CSMD1: variants seen among roughly 807,000 people sequenced by gnomAD.
CSMD1 encodes the protein CUB and sushi domain-containing protein 1.
In CSMD1, 213 loss-of-function variants were observed where a neutral mutation model predicts 417.5. The ratio of observed to expected loss-of-function variants is 0.51; its 90% CI spans 0.46 to 0.57. CSMD1 has a LOEUF of 0.57. Among genes scored for constraint, CSMD1 ranks in the 20% least tolerant of loss-of-function variants. CSMD1 has a pLI of 0.00. For missense variants in CSMD1, 6,923 were observed against 4,529.7 expected, an observed-to-expected ratio of 1.53 and a Z score of -15.17; for synonymous variants, 2,862 against 1,736.8, an observed-to-expected ratio of 1.65 and a Z score of -16.11.
At chr8:3,742,316 C>G (rs944559027) in intron 6 of CSMD1, among the ~76,000 whole-genome samples, 1 of 152,074 alleles carries the variant, frequency 6.6e-6, no homozygotes, top group Non-Finnish European at 1.5e-5. Flanking sequence ...ATCTGGTATC[C>G]AGGGAGACAG....
At chr8:3,960,438 G>C (rs548756839) in intron 5 of CSMD1, among the ~76,000 whole-genome samples, 3 of 152,244 alleles carry the variant, frequency 2.0e-5, no homozygotes, top group Non-Finnish European at 4.4e-5. Context: ...ATGCTAGTGA[G>C]AAATACAATT....
chr8:3,192,815 C>A (rs961010188), intron 33 of CSMD1, among the ~76,000 whole-genome samples: 3 of 151,932 alleles, frequency 2.0e-5, no homozygotes, highest in African/African-American at 7.3e-5. Context: ...AGATTTGGAG[C>A]ATTTTGAATT....
chr8:4,180,677 G>A (rs1366762857), intron 3 of CSMD1, among the ~76,000 whole-genome samples: 1 of 152,126 alleles, frequency 6.6e-6, no homozygotes, highest in African/African-American at 2.4e-5. Flanking sequence ...CTGGCCATAT[G>A]AAAGGCAAGG....
intron 22 of CSMD1, among the ~76,000 whole-genome samples, chr8:3,344,719 G>T (rs1563292997): frequency 6.6e-6 from 1 of 152,108 alleles, no homozygotes; most frequent in East Asian, 1.9e-4. Context: ...TCTTTATACA[G>T]ATTAATTTTT....
rs549816798 is a variant in CSMD1 at position 3,832,110 on chromosome 8, G to C, written c.819-78068C>G. On this transcript the variant is annotated intron_variant, in intron 5 of 69. Coordinates refer to ENST00000635120, the MANE Select transcript of CSMD1 (RefSeq NM_033225.6). ...GTGTGGAATCCTGCCTTATGTGCAT[G>C]TGGGCAAACAGTAATTCTTTAGGGC... Among the ~76,000 whole-genome samples, 3 of 152,224 alleles carry C rather than the reference G, an allele frequency of 2.0e-5. No homozygotes were observed. The East Asian group carries it at 5.8e-4, about 29-fold the overall frequency.
At chr8:3,916,350 C>T (rs1003893368) in intron 5 of CSMD1, among the ~76,000 whole-genome samples, 13 of 152,104 alleles carry the variant, frequency 8.5e-5, no homozygotes, top group Middle Eastern at 6.8e-3. Context: ...ATATTGTCAG[C>T]GAATATCAAG....
At chr8:4,040,632 T>C (rs2130631025) in intron 3 of CSMD1, among the ~76,000 whole-genome samples, 1 of 152,308 alleles carries the variant, frequency 6.6e-6, no homozygotes, top group East Asian at 1.9e-4. Context: ...TTTTCTTAGG[T>C]AGAATGGAGG....
At chr8:4,217,270 A>C (rs552105163) in intron 3 of CSMD1, among the ~76,000 whole-genome samples, 1 of 152,338 alleles carries the variant, frequency 6.6e-6, no homozygotes, top group South Asian at 2.1e-4. Context: ...AATTTGCAGA[A>C]GTCTTTCATA....
At chr8:4,269,614 T>C (rs1585130315) in intron 3 of CSMD1, among the ~76,000 whole-genome samples, 2 of 152,206 alleles carry the variant, frequency 1.3e-5, no homozygotes, top group African/African-American at 4.8e-5. Context: ...AACCTCATTT[T>C]TTATACGTAT....
intron 3 of CSMD1, among the ~76,000 whole-genome samples, chr8:4,318,424 A>C (rs1020755396): frequency 6.6e-6 from 1 of 152,130 alleles, no homozygotes; most frequent in African/African-American, 2.4e-5. Context: ...TGTGAGAAAG[A>C]GTAATATTGT....
chr8:3,700,214 C>G (rs1800780258), intron 7 of CSMD1, among the ~76,000 whole-genome samples: 1 of 152,114 alleles, frequency 6.6e-6, no homozygotes, highest in South Asian at 2.1e-4. Flanking sequence ...GAAGAGCTTA[C>G]TCATGTAACC....
chr8:3,111,031 C>A (rs896456209), intron 42 of CSMD1, among the ~76,000 whole-genome samples: 14 of 151,970 alleles, frequency 9.2e-5, no homozygotes, highest in African/African-American at 3.4e-4. Context: ...GAAATATAGT[C>A]TTTAATTTAA....
rs575590305 is a variant in CSMD1 at position 4,876,936 on chromosome 8, A to G, written c.85+117396T>C. Among the ~76,000 whole-genome samples the G allele has an allele frequency of 4.7e-4, 72 of 152,242 alleles. 2 individuals are homozygous for G. Among genetic ancestry groups the G allele is most frequent in the African/African-American group, 1.7e-3 (69 of 41,528 alleles). ...TAGCTTTCTCCTAATCCATGCACAC[A>G]AAAATTATTACACATTATGTAATTT... On this transcript the variant is annotated intron_variant, in intron 1 of 69. Coordinates refer to ENST00000635120, the MANE Select transcript of CSMD1 (RefSeq NM_033225.6).
intron 5 of CSMD1, among the ~76,000 whole-genome samples, chr8:3,956,605 T>G (rs1349431000): frequency 4.6e-5 from 7 of 152,244 alleles, no homozygotes; most frequent in South Asian, 2.1e-4. Flanking sequence ...ACATAATCAT[T>G]AAATTCTGAT....
chr8:3,893,361 ATTAT>A, intron 5 of CSMD1, among the ~76,000 whole-genome samples: 2 of 131,638 alleles, frequency 1.5e-5, no homozygotes, highest in Non-Finnish European at 3.3e-5. Flanking sequence ...ATATATATAT[ATTAT>A]TTTTTTTCTT....
chr8:3,170,504 G>C (rs1002143974), intron 37 of CSMD1, among the ~76,000 whole-genome samples: 7 of 152,162 alleles, frequency 4.6e-5, no homozygotes, highest in African/African-American at 1.7e-4. Flanking sequence ...CACCGTGCCC[G>C]GCCCGAGCTT....
chr8:3,229,305 A>T (rs562146680), intron 27 of CSMD1, among the ~76,000 whole-genome samples: 19 of 152,326 alleles, frequency 1.2e-4, no homozygotes, highest in African/African-American at 4.6e-4. Flanking sequence ...AAAATAATAA[A>T]GTTCAGTAGT....
intron 6 of CSMD1, among the ~76,000 whole-genome samples, chr8:3,717,928 A>G (rs1801935383): frequency 6.6e-6 from 1 of 152,180 alleles, no homozygotes; most frequent in Admixed American, 6.5e-5. Context: ...TTCTTTAGTC[A>G]AGGCTGTTAA....
chr8:3,583,343 T>C (rs1800461329), intron 9 of CSMD1, among the ~76,000 whole-genome samples: 1 of 151,880 alleles, frequency 6.6e-6, no homozygotes, highest in Non-Finnish European at 1.5e-5. Flanking sequence ...TGCATGGTTT[T>C]GGGGAGTGTC....
Sources: gnomAD v4.1 joint callset for allele counts (sites outside exome capture counted in the v4.1 genomes callset) on GRCh38, gnomAD v4.1.1 for gene constraint, MANE v1.5 for transcripts, NCBI Gene and HGNC (gene_info 2026-07-23, HGNC 2026-07-21) for gene names.